KCNMA1: variants seen among roughly 807,000 people sequenced by gnomAD.
KCNMA1 encodes the protein Calcium-activated potassium channel subunit alpha-1.
In KCNMA1, 29 loss-of-function variants were observed where a neutral mutation model predicts 140.0. The ratio of observed to expected loss-of-function variants is 0.21; its 90% CI spans 0.15 to 0.28. The LOEUF is 0.28. Ranked by LOEUF, KCNMA1 falls within the 10% of genes least tolerant of loss-of-function variation. The probability of loss-of-function intolerance (pLI) is 1.00; values close to 1 mark genes in which losing one functional copy is unlikely to be tolerated. For synonymous variants in KCNMA1, 612 were observed against 611.9 expected (o/e 1.00, Z 0.00); for missense variants, 880 against 1,602.2 (o/e 0.55, Z 7.70).
intron 9 of KCNMA1, among the ~76,000 whole-genome samples, chr10:77,100,818 T>A (rs1273564120): frequency 6.6e-6 from 1 of 152,226 alleles, no homozygotes; most frequent in Non-Finnish European, 1.5e-5. Context: ...GATCAGAATC[T>A]TCAGCAATTA....
intron 1 of KCNMA1, among the ~76,000 whole-genome samples, chr10:77,445,817 C>T (rs1448697669): frequency 1.3e-5 from 2 of 152,190 alleles, no homozygotes; most frequent in Admixed American, 6.5e-5. Context: ...GGCGATGGGG[C>T]CGCTCTATCT....
chr10:77,404,135 G>A, intron 1 of KCNMA1, 112 bp from the exon 2 acceptor site: 1 of 983,550 alleles, frequency 1.0e-6, no homozygotes, highest in Non-Finnish European at 1.6e-6. Flanking sequence ...ATGGAAACTA[G>A]CTTAAAGGTA....
chr10:77,006,502 A>G (rs77084062), intron 18 of KCNMA1, among the ~76,000 whole-genome samples: 8,688 of 152,300 alleles, frequency 0.057, 268 homozygotes, highest in Non-Finnish European at 0.069. Flanking sequence ...GGCACTGGGA[A>G]TCAGAGAATA....
intron 14 of KCNMA1, among the ~76,000 whole-genome samples, chr10:77,052,220 C>T (rs909306569): frequency 6.6e-6 from 1 of 152,114 alleles, no homozygotes; most frequent in Admixed American, 6.6e-5. Flanking sequence ...TGAGTTTGTC[C>T]CCAAAAGACA....
chr10:77,290,653 C>CT (rs2072899177), intron 2 of KCNMA1, among the ~76,000 whole-genome samples: 1 of 152,182 alleles, frequency 6.6e-6, no homozygotes, highest in Non-Finnish European at 1.5e-5. Context: ...ACCAAAAGTA[C>CT]TCAGGTCATG....
intron 3 of KCNMA1, among the ~76,000 whole-genome samples, chr10:77,234,334 GTTTTATTTTCT>G (rs1292869395): frequency 6.6e-6 from 1 of 152,040 alleles, no homozygotes; most frequent in Admixed American, 6.5e-5. Context: ...TCCATTACCA[GTTTTATTTTCT>G]TCCCAGCACA....
At position 77,121,225 on chromosome 10, in the gene KCNMA1, C is replaced by A. The variant is rs550250920; in HGVS notation, c.809-177G>T. On this transcript the variant is annotated intron_variant, in intron 5 of 27. Transcript: ENST00000286628. ...TTCTGATTCTTGACTGGTTTAATCT[C>A]GACTGGGAAATGGACTTTCTCTTTA... is the stretch of plus-strand genomic sequence containing the variant. Among the ~76,000 whole-genome samples, 10 of 152,250 alleles carry A rather than the reference C, an allele frequency of 6.6e-5. No homozygotes were observed. The South Asian group carries it at 2.1e-3, about 32-fold the overall frequency.
chr10:77,052,633 AG>A (rs1555178391), intron 14 of KCNMA1, among the ~76,000 whole-genome samples: 1 of 150,922 alleles, frequency 6.6e-6, no homozygotes, highest in Non-Finnish European at 1.5e-5. Flanking sequence ...AAAAAAAAAA[AG>A]GGTACTTATT....
At chr10:77,420,923 A>G (rs2096853673) in intron 1 of KCNMA1, among the ~76,000 whole-genome samples, 1 of 152,178 alleles carries the variant, frequency 6.6e-6, no homozygotes, top group Non-Finnish European at 1.5e-5. Flanking sequence ...TCTGCCCCTC[A>G]TTCTCCACAC....
chr10:77,163,825 T>C (rs1166476356), intron 5 of KCNMA1, among the ~76,000 whole-genome samples: 1 of 152,188 alleles, frequency 6.6e-6, no homozygotes, highest in Admixed American at 6.5e-5. Flanking sequence ...CATTCTCAGT[T>C]GGGTTTCCCT....
chr10:77,000,238 T>C (rs2153401762), intron 19 of KCNMA1, among the ~76,000 whole-genome samples: 1 of 152,270 alleles, frequency 6.6e-6, no homozygotes, highest in African/African-American at 2.4e-5. Context: ...AGGGAGGAAG[T>C]GCAGAAACGA....
At chr10:77,302,442 T>C (rs1192503207) in intron 2 of KCNMA1, among the ~76,000 whole-genome samples, 1 of 152,126 alleles carries the variant, frequency 6.6e-6, no homozygotes. Flanking sequence ...CCTACAAGCA[T>C]TGCTCGGGTC....
At chr10:77,602,284 G>A (rs1476667779) in intron 1 of KCNMA1, among the ~76,000 whole-genome samples, 1 of 152,122 alleles carries the variant, frequency 6.6e-6, no homozygotes, top group Non-Finnish European at 1.5e-5. Context: ...GTTCACTATT[G>A]TAGCATGACA....
intron 9 of KCNMA1, among the ~76,000 whole-genome samples, chr10:77,102,140 G>A (rs1405195552): frequency 6.6e-6 from 1 of 152,232 alleles, no homozygotes; most frequent in Non-Finnish European, 1.5e-5. Flanking sequence ...AACACATGTG[G>A]AATGGATGGA....
chr10:76,997,235 C>T (rs746200760), intron 19 of KCNMA1, among the ~76,000 whole-genome samples: 45 of 152,196 alleles, frequency 3.0e-4, no homozygotes, highest in Non-Finnish European at 4.9e-4. Context: ...TCAGCTTAAC[C>T]ATCGGAGTTG....
chr10:77,539,717 C>T (rs186726316), intron 1 of KCNMA1, among the ~76,000 whole-genome samples: 122 of 152,312 alleles, frequency 8.0e-4, no homozygotes, highest in Middle Eastern at 3.4e-3. Context: ...CGCCCTCTCT[C>T]TGCAGAGTGT....
chr10:76,957,019 T>C (rs1200318072), intron 20 of KCNMA1, among the ~76,000 whole-genome samples: 1 of 148,894 alleles, frequency 6.7e-6, no homozygotes, highest in African/African-American at 2.5e-5. Context: ...GCTACTCTAC[T>C]CGGGAGGCTG....
intron 2 of KCNMA1, among the ~76,000 whole-genome samples, chr10:77,356,265 T>C (rs1391884303): frequency 6.6e-6 from 1 of 152,166 alleles, no homozygotes; most frequent in Admixed American, 6.5e-5. Context: ...GGGCTAATTG[T>C]ATATGTCAGA....
At chr10:77,086,728 A>G in intron 10 of KCNMA1, 135 bp from the exon 11 acceptor site, 1 of 709,358 alleles carries the variant, frequency 1.4e-6, no homozygotes, top group African/African-American at 1.8e-5. Context: ...TTTGCTTGCC[A>G]TAAATAAAAG....
Sources: gnomAD v4.1 joint callset for allele counts (sites outside exome capture counted in the v4.1 genomes callset) on GRCh38, gnomAD v4.1.1 for gene constraint, MANE v1.5 for transcripts, NCBI Gene and HGNC (gene_info 2026-07-23, HGNC 2026-07-21) for gene names.